ANK2: variants seen among roughly 807,000 people sequenced by gnomAD.
The protein encoded by ANK2 is ankyrin-2.
In ANK2, 83 loss-of-function variants were observed where a neutral mutation model predicts 360.5. The observed-to-expected ratio is 0.23, with a 90% CI of 0.19 to 0.28. ANK2 has a LOEUF of 0.28. Among genes scored for constraint, ANK2 ranks in the 10% least tolerant of loss-of-function variants. ANK2 has a pLI of 1.00. For synonymous variants in ANK2, 1,740 were observed against 1,759.5 expected (o/e 0.99, Z 0.28); for missense variants, 4,201 against 4,795.7 (o/e 0.88, Z 3.66).
Position 113,027,053 on chromosome 4 carries a change from C to T in ANK2, c.21+122539C>T, listed in dbSNP as rs137863411. Among the ~76,000 whole-genome samples, 8 of 152,172 alleles carry T rather than the reference C, an allele frequency of 5.3e-5. No homozygotes were observed. In the East Asian group the frequency reaches 1.4e-3, roughly 26 times the overall value. ...AATCCATCTGTTTCAGTGAAGATGGCGTGCTGGATATGGGGAATACCTGTG... is the reference window on the plus strand; with the variant it reads ...AATCCATCTGTTTCAGTGAAGATGGTGTGCTGGATATGGGGAATACCTGTG... On this transcript the variant is annotated intron_variant, in intron 2 of 30. Coordinates refer to the ANK2 transcript ENST00000503271.
intron 1 of ANK2, among the ~76,000 whole-genome samples, chr4:113,090,175 C>A (rs11735808): frequency 0.19 from 29,236 of 152,092 alleles, 3,727 homozygotes; most frequent in Non-Finnish European, 0.29. Context: ...AGTGAGATTC[C>A]TCAGTTAAAT....
At chr4:113,150,676 G>T (rs1039596024) in intron 1 of ANK2, among the ~76,000 whole-genome samples, 1 of 152,268 alleles carries the variant, frequency 6.6e-6, no homozygotes, top group African/African-American at 2.4e-5. Flanking sequence ...TGACAACTCA[G>T]CCTCAGAGGG....
chr4:112,724,008 C>T, the ANK2 span, among the ~76,000 whole-genome samples: 4 of 151,766 alleles, frequency 2.6e-5, no homozygotes, highest in South Asian at 2.1e-4. Context: ...ATAATTCCTA[C>T]GATAACTGTT....
At position 112,963,507 on chromosome 4, in the gene ANK2, A is replaced by T. The variant is rs550746260; in HGVS notation, c.21+58993A>T. ...AATAATTTATTGGTTCAAAATTTTG[A>T]TAAGTAAAAATAATCCATGGACCAC... On this transcript the variant is annotated intron_variant, in intron 2 of 30. Coordinates refer to the ANK2 transcript ENST00000503271. 1.1e-3 allele frequency among the ~76,000 whole-genome samples: 171 copies of T among 152,306 alleles called. 5 individuals carry two copies. In the South Asian group the frequency reaches 0.033, roughly 30 times the overall value.
chr4:113,192,578 CAGAT>C (rs2098686012), intron 2 of ANK2, among the ~76,000 whole-genome samples: 1 of 152,118 alleles, frequency 6.6e-6, no homozygotes, highest in South Asian at 2.1e-4. Context: ...GTCTGGAAAT[CAGAT>C]AGATCTGAGT....
intron 1 of ANK2, among the ~76,000 whole-genome samples, chr4:112,871,099 G>A (rs373327075): frequency 6.6e-6 from 1 of 151,904 alleles, no homozygotes. Context: ...TTCCATTTTG[G>A]GTTGTTTACT....
intron 1 of ANK2, among the ~76,000 whole-genome samples, chr4:113,149,831 C>G (rs963793153): frequency 8.0e-6 from 1 of 125,246 alleles, no homozygotes; most frequent in Admixed American, 9.8e-5. Flanking sequence ...GAACTTTGAT[C>G]GTACCACTGC....
chr4:112,863,196 G>A (rs555629783), intron 1 of ANK2, among the ~76,000 whole-genome samples: 2 of 152,124 alleles, frequency 1.3e-5, no homozygotes, highest in South Asian at 4.1e-4. Context: ...ACTATAGTCA[G>A]TGTGATATTT....
the ANK2 span, among the ~76,000 whole-genome samples, chr4:112,784,287 C>T: frequency 2.0e-5 from 3 of 150,266 alleles, no homozygotes; most frequent in East Asian, 2.0e-4. Flanking sequence ...CAGCCTTAAT[C>T]GATCCTCCCA....
At chr4:112,763,698 A>AT in the ANK2 span, among the ~76,000 whole-genome samples, 3 of 143,418 alleles carry the variant, frequency 2.1e-5, no homozygotes, top group African/African-American at 5.2e-5. Context: ...GGCCCGACTA[A>AT]TTTTTTTGTA....
chr4:113,069,025 T>C (rs1482112614), intron 1 of ANK2, among the ~76,000 whole-genome samples: 1 of 151,292 alleles, frequency 6.6e-6, no homozygotes. Flanking sequence ...ATAGGGCTAC[T>C]GCACTGGGCA....
intron 2 of ANK2, among the ~76,000 whole-genome samples, chr4:113,008,382 T>C (rs1005479099): frequency 7.2e-5 from 11 of 152,002 alleles, no homozygotes; most frequent in Admixed American, 3.9e-4. Flanking sequence ...CCAATAGAAA[T>C]GTTATTTTAG....
At chr4:113,316,506 T>C (rs773368068) in intron 24 of ANK2, among the ~76,000 whole-genome samples, 4 of 152,262 alleles carry the variant, frequency 2.6e-5, no homozygotes, top group Non-Finnish European at 5.9e-5. Context: ...TTTCTACTAA[T>C]AAATATGCTA....
At chr4:112,732,988 G>T in the ANK2 span, among the ~76,000 whole-genome samples, 1 of 152,156 alleles carries the variant, frequency 6.6e-6, no homozygotes, top group African/African-American at 2.4e-5. Context: ...GGAGGCTGAG[G>T]CCAGTAAATC....
At chr4:113,129,307 A>G (rs2095863493) in intron 1 of ANK2, among the ~76,000 whole-genome samples, 2 of 152,224 alleles carry the variant, frequency 1.3e-5, no homozygotes, top group African/African-American at 4.8e-5. Flanking sequence ...CAAAAATTGT[A>G]TTAGCAAATT....
At chr4:113,025,364 C>T (rs752168342) in intron 2 of ANK2, among the ~76,000 whole-genome samples, 3 of 152,156 alleles carry the variant, frequency 2.0e-5, no homozygotes, top group Admixed American at 6.6e-5. Flanking sequence ...TTTGGGGAAT[C>T]TGCCTGGGTG....
intron 24 of ANK2, among the ~76,000 whole-genome samples, chr4:113,315,816 G>GA (rs745520914): frequency 4.4e-4 from 65 of 148,452 alleles, no homozygotes; most frequent in Non-Finnish European, 6.8e-4. Context: ...GGAGAATGGT[G>GA]AACCTGGGAG....
chr4:112,782,416 C>T, the ANK2 span, among the ~76,000 whole-genome samples: 4 of 152,130 alleles, frequency 2.6e-5, no homozygotes, highest in African/African-American at 9.7e-5. Flanking sequence ...TATTTTCCAA[C>T]TATACAAACA....
intron 2 of ANK2, among the ~76,000 whole-genome samples, chr4:112,986,548 T>C (rs2044933263): frequency 6.6e-6 from 1 of 152,186 alleles, no homozygotes; most frequent in Admixed American, 6.5e-5. Flanking sequence ...GGCTTTTGAC[T>C]CAGGGGAAGA....
Sources: allele counts gnomAD v4.1 joint callset (sites outside exome capture counted in the v4.1 genomes callset), GRCh38; gene constraint gnomAD v4.1.1; transcripts MANE v1.5; gene names NCBI Gene and HGNC (gene_info 2026-07-23, HGNC 2026-07-21).